MAML2: variants seen among roughly 807,000 people sequenced by gnomAD.
MAML2 encodes mastermind like transcriptional coactivator 2.
In MAML2, 22 loss-of-function variants were observed where a neutral mutation model predicts 96.1. The ratio of observed to expected loss-of-function variants is 0.23; its 90% CI spans 0.16 to 0.33. The LOEUF is 0.33. MAML2 is among the 10% of genes least tolerant of loss of function. The pLI, the probability that MAML2 is intolerant of heterozygous loss-of-function variation, is 1.00. For missense variants in MAML2, 1,367 were observed against 1,392.4 expected (o/e 0.98, Z 0.29); for synonymous variants, 561 against 521.3 (o/e 1.08, Z -1.04).
intron 1 of MAML2, among the ~76,000 whole-genome samples, chr11:96,320,663 A>G (rs1027214201): frequency 4.6e-5 from 7 of 152,198 alleles, no homozygotes; most frequent in Admixed American, 3.3e-4. Context: ...TACTATAAGA[A>G]GACAGGAATA....
intron 1 of MAML2, among the ~76,000 whole-genome samples, chr11:96,193,303 A>C (rs1000577765): frequency 6.6e-6 from 1 of 152,204 alleles, no homozygotes; most frequent in African/African-American, 2.4e-5. Context: ...CGGGAGGCGG[A>C]GGTTGCAGTG....
chr11:96,216,110 T>C (rs1047230307), intron 1 of MAML2, among the ~76,000 whole-genome samples: 1 of 152,166 alleles, frequency 6.6e-6, no homozygotes, highest in Middle Eastern at 3.2e-3. Flanking sequence ...CTACACAAAC[T>C]GTGTCTTCAG....
At chr11:96,312,931 T>C (rs1037381838) in intron 1 of MAML2, among the ~76,000 whole-genome samples, 4 of 152,206 alleles carry the variant, frequency 2.6e-5, no homozygotes, top group African/African-American at 9.6e-5. Flanking sequence ...AATGTTATGC[T>C]AGTTATAGGA....
At chr11:96,191,386 C>T (rs1861650788) in intron 1 of MAML2, among the ~76,000 whole-genome samples, 1 of 151,818 alleles carries the variant, frequency 6.6e-6, no homozygotes, top group African/African-American at 2.4e-5. Flanking sequence ...ATCGCTTGAA[C>T]TCGGGAGACA....
chr11:96,295,859 C>A (rs148435880), intron 1 of MAML2, among the ~76,000 whole-genome samples: 13 of 148,932 alleles, frequency 8.7e-5, no homozygotes, highest in Admixed American at 8.1e-4. Flanking sequence ...TTATAGGCTT[C>A]ATACACCCTA....
intron 2 of MAML2, among the ~76,000 whole-genome samples, chr11:96,071,353 G>C (rs551946993): frequency 1.3e-5 from 2 of 152,392 alleles, no homozygotes; most frequent in East Asian, 3.9e-4. Context: ...CCTAGCAAAG[G>C]AAAGAGCTGT....
rs10665067 is a variant in MAML2, at chr11:96,135,545, C to CTT, written c.514-42030_514-42029dup. Among the ~76,000 whole-genome samples, 462 of 139,536 alleles carry CTT rather than the reference C, an allele frequency of 3.3e-3. 15 individuals are homozygous for CTT. Among genetic ancestry groups the CTT allele is most frequent in the African/African-American group, 0.011 (406 of 37,504 alleles). The allele number at this position is 139,536 out of a possible 152,430, so 91.5% of individuals were successfully genotyped here. A position where few individuals can be genotyped will look rare whatever the true frequency, so the allele number is the denominator to read the frequency against. On this transcript the variant is annotated intron_variant, in intron 1 of 4. Coordinates refer to ENST00000524717, the MANE Select transcript of MAML2 (RefSeq NM_032427.4). ...GCAGAAGAGAGGTCCCAATCCAAGG[C>CTT]TTTTTTTTTTTTTTTTTAAACCGTG...
chr11:96,328,384 A>G (rs572940953), intron 1 of MAML2, among the ~76,000 whole-genome samples: 95 of 152,288 alleles, frequency 6.2e-4, no homozygotes, highest in Admixed American at 1.8e-3. Flanking sequence ...CAACCTAACA[A>G]TGAAGCTGAG....
intron 1 of MAML2, among the ~76,000 whole-genome samples, chr11:96,137,533 A>G (rs530066061): frequency 6.6e-6 from 1 of 152,374 alleles, no homozygotes; most frequent in Non-Finnish European, 1.5e-5. Context: ...TGGGAGCCAG[A>G]AAGAGTTTCC....
chr11:96,302,588 G>A (rs1863401030), intron 1 of MAML2, among the ~76,000 whole-genome samples: 1 of 152,186 alleles, frequency 6.6e-6, no homozygotes, highest in African/African-American at 2.4e-5. Context: ...TCTCCCCTGA[G>A]GAGGTTCCCT....
intron 1 of MAML2, among the ~76,000 whole-genome samples, chr11:96,221,378 T>A (rs1862134501): frequency 6.6e-6 from 1 of 152,052 alleles, no homozygotes; most frequent in African/African-American, 2.4e-5. Context: ...TAGTGTGGGG[T>A]TTGTCTTCAG....
Position 96,342,433 on chromosome 11 carries a change from C to A in MAML2, c.-538G>T. The A allele has an allele frequency of 2.5e-6, 1 of 398,772 alleles. No homozygotes were observed. Among genetic ancestry groups the A allele is most frequent in the African/African-American group, 2.1e-5 (1 of 48,762 alleles). 24.7% of individuals were successfully genotyped at this position (398,772 alleles called of 1,614,324 possible). On this transcript the variant is annotated 5_prime_UTR_variant, in exon 1 of 5. Coordinates refer to ENST00000524717, the MANE Select transcript of MAML2 (RefSeq NM_032427.4). ...ATGTCTATGTAACCAGCAGCCTTGA[C>A]TTTTCCTCAGGTTAAATAAAAAACC...
Position 96,102,326 on chromosome 11 carries a change from T to C in MAML2, c.514-8809A>G, listed in dbSNP as rs531908723. Among the ~76,000 whole-genome samples, 3 of 152,168 alleles carry C rather than the reference T, an allele frequency of 2.0e-5. No homozygotes were observed. In the South Asian group the frequency reaches 6.2e-4, roughly 32 times the overall value. ...CAAAAACCACTGTTTTCAATTAACG[T>C]TAGAATTAACAAAAAGAAACAAACA... On this transcript the variant is annotated intron_variant, in intron 1 of 4. Coordinates refer to ENST00000524717, the MANE Select transcript of MAML2 (RefSeq NM_032427.4).
At chr11:96,263,136 T>C (rs1008858183) in intron 1 of MAML2, among the ~76,000 whole-genome samples, 1 of 152,256 alleles carries the variant, frequency 6.6e-6, no homozygotes, top group Non-Finnish European at 1.5e-5. Flanking sequence ...TTGCTCACCA[T>C]AGCATTTGGT....
At chr11:96,167,359 C>A (rs1861210920) in intron 1 of MAML2, among the ~76,000 whole-genome samples, 1 of 152,154 alleles carries the variant, frequency 6.6e-6, no homozygotes, top group Non-Finnish European at 1.5e-5. Context: ...CTTCCTCCTG[C>A]CAGACTTCCT....
chr11:96,201,772 A>G (rs924399705), intron 1 of MAML2, among the ~76,000 whole-genome samples: 7 of 151,250 alleles, frequency 4.6e-5, no homozygotes, highest in Admixed American at 1.3e-4. Flanking sequence ...ACAAAAAATT[A>G]GCCCAGCGTG....
intron 1 of MAML2, among the ~76,000 whole-genome samples, chr11:96,150,946 C>G (rs1020589034): frequency 6.6e-6 from 1 of 152,172 alleles, no homozygotes; most frequent in African/African-American, 2.4e-5. Context: ...GCATCTTAAG[C>G]CCCTCCCTAG....
chr11:96,058,383 G>A (rs555946011), intron 2 of MAML2, among the ~76,000 whole-genome samples: 4 of 152,304 alleles, frequency 2.6e-5, no homozygotes, highest in Admixed American at 6.5e-5. Flanking sequence ...GCAGTGGCCC[G>A]ATCTTGGCTC....
chr11:96,192,479 C>A (rs913674732), intron 1 of MAML2, among the ~76,000 whole-genome samples: 1 of 152,192 alleles, frequency 6.6e-6, no homozygotes, highest in Non-Finnish European at 1.5e-5. Flanking sequence ...TGTACAAAGA[C>A]TTCCAAGGAT....
Sources: gnomAD v4.1 joint callset for allele counts (sites outside exome capture counted in the v4.1 genomes callset) on GRCh38, gnomAD v4.1.1 for gene constraint, MANE v1.5 for transcripts, NCBI Gene and HGNC (gene_info 2026-07-23, HGNC 2026-07-21) for gene names.